The following ABR variants were observed in gnomAD, a reference collection of about 807,000 sequenced individuals.
ABR encodes ABR activator of RhoGEF and GTPase.
ABR carries 35 observed loss-of-function variants against 107.2 expected under a neutral mutation model. That is an observed-to-expected ratio of 0.33 (90% CI 0.25 to 0.43). The LOEUF (loss-of-function observed/expected upper bound fraction) is 0.43, where lower values mean the gene tolerates loss of function less well. ABR is among the 20% of genes least tolerant of loss of function. ABR has a pLI of 1.00. For missense variants in ABR, 815 were observed against 1,115.2 expected, an observed-to-expected ratio of 0.73 and a Z score of 3.83; for synonymous variants, 498 against 462.0, an observed-to-expected ratio of 1.08 and a Z score of -1.00.
chr17:1,043,050 G>A (rs1014063978), intron 16 of ABR, among the ~76,000 whole-genome samples: 15 of 152,194 alleles, frequency 9.9e-5, no homozygotes, highest in Non-Finnish European at 1.8e-4. Context: ...GCAGGAGTGG[G>A]GAGTTATGAT....
At chr17:1,199,805 A>C (rs1425027903) in intron 1 of ABR, among the ~76,000 whole-genome samples, 1 of 152,154 alleles carries the variant, frequency 6.6e-6, no homozygotes, top group African/African-American at 2.4e-5. Flanking sequence ...CATATAAGTC[A>C]TAAAGCCAGA....
chr17:1,133,923 C>T (rs146648902), intron 1 of ABR, among the ~76,000 whole-genome samples: 19 of 152,300 alleles, frequency 1.2e-4, no homozygotes, highest in African/African-American at 4.6e-4. Context: ...AGACATTTTG[C>T]CTTGAACTCA....
chr17:1,200,945 G>T lies in ABR; in HGVS notation c.838+27848C>A, dbSNP rs570020594. 2.6e-5 allele frequency among the ~76,000 whole-genome samples: 4 copies of T among 152,306 alleles called. No homozygotes were observed. In the South Asian group the frequency reaches 8.3e-4, roughly 32 times the overall value. ...GGAGAAAGCCTTGGGGTTGGCCAGG[G>T]ACACCCACCTGCCTCAGGAGGGGCT... On this transcript the variant is annotated intron_variant, in intron 1 of 22. Coordinates refer to the ABR transcript ENST00000574139. The surrounding 1 kb of genome is among the most constrained non-coding windows in gnomAD (Gnocchi z 4.1).
Position 1,125,262 on chromosome 17 carries a change from A to G in ABR, c.167T>C (p.Met56Thr). The change falls in exon 2 of 23, where the codon ATG becomes ACG. Residue 56 changes from methionine to threonine, a missense_variant. Around this residue, in one of 5 missense-constraint regions of ABR, gnomAD observed 129 missense variants for 124.8 expected, o/e 1.03. Transcript: ENST00000302538. ...TMPYIDESPTMSPQLSARSQG... is the reference protein window; with the variant it reads ...TMPYIDESPTTSPQLSARSQG... ...GCTGCGGGCGCTGAGCTGCGGGGAC[A>G]TGGTGGGCGACTCATCGATGTACGG... 1 of 1,613,234 alleles carries G rather than the reference A, an allele frequency of 6.2e-7. No homozygotes were observed. The highest frequency in any genetic ancestry group is 1.3e-5 in the African/African-American group (1 of 74,988).
chr17:1,116,644 C>G (rs1041382116), intron 2 of ABR, among the ~76,000 whole-genome samples: 2 of 152,188 alleles, frequency 1.3e-5, no homozygotes, highest in Non-Finnish European at 2.9e-5. Flanking sequence ...GGGTCACAAC[C>G]AAGGCACTAG....
intron 4 of ABR, among the ~76,000 whole-genome samples, chr17:1,090,066 G>A (rs554734869): frequency 3.3e-5 from 5 of 152,202 alleles, no homozygotes; most frequent in African/African-American, 4.8e-5. Context: ...TGCATTTGGC[G>A]ACTTGGAAAG....
chr17:1,167,131 G>A (rs1479935624), intron 1 of ABR, among the ~76,000 whole-genome samples: 4 of 151,620 alleles, frequency 2.6e-5, no homozygotes, highest in Non-Finnish European at 4.4e-5. Context: ...TTATCTTCTC[G>A]GGGTGAGGCA....
chr17:1,070,209 A>T lies in ABR; in HGVS notation c.895-119T>A. On this transcript the variant is annotated intron_variant, in intron 8 of 22. Coordinates refer to ENST00000302538, the MANE Select transcript of ABR (RefSeq NM_021962.5). The surrounding 1 kb of genome is among the most constrained non-coding windows in gnomAD (Gnocchi z 4.2). ...GGACCGAGAGGCGGCATAGCCTGTC[A>T]TCCCTTAACCAAAGGTGGTTCAAGC... The T allele has an allele frequency of 7.3e-7, 1 of 1,372,234 alleles. No individual in the cohort carries two copies. The highest frequency in any genetic ancestry group is 1.0e-6 in the Non-Finnish European group (1 of 1,003,354). The allele number at this position is 1,372,234 out of a possible 1,614,324, so 85.0% of individuals were successfully genotyped here.
chr17:1,103,340 C>T (rs937165501), intron 2 of ABR, among the ~76,000 whole-genome samples: 3 of 152,142 alleles, frequency 2.0e-5, no homozygotes, highest in Non-Finnish European at 4.4e-5. Context: ...GCTCCAGCCC[C>T]TCCAGGTCAG....
chr17:1,077,855 C>T (rs1177035870), intron 6 of ABR, among the ~76,000 whole-genome samples: 1 of 152,228 alleles, frequency 6.6e-6, no homozygotes, highest in African/African-American at 2.4e-5. Context: ...AGGCCCAGAG[C>T]AGCCGGCCTG....
Position 1,042,655 on chromosome 17 carries a change from C to T in ABR, c.1791+7395G>A, listed in dbSNP as rs145453340. Among the ~76,000 whole-genome samples the T allele has an allele frequency of 2.2e-3, 337 of 151,978 alleles. 1 individual carries two copies. Among genetic ancestry groups the T allele is most frequent in the African/African-American group, 7.5e-3 (309 of 41,442 alleles). Reference sequence around the variant, plus strand: ...ACGGACAGACAGAAGGACAAACAGACGTGGCACCTACATCCACAGATGGAT... The same window carrying T: ...ACGGACAGACAGAAGGACAAACAGATGTGGCACCTACATCCACAGATGGAT... On this transcript the variant is annotated intron_variant, in intron 16 of 22. Transcript: ENST00000302538.
At chr17:1,057,135 G>C in intron 12 of ABR, 33 bp from the exon 13 acceptor site, 2 of 1,468,604 alleles carry the variant, frequency 1.4e-6, no homozygotes, top group Non-Finnish European at 1.9e-6. Context: ...AGGGAGCGTG[G>C]GCACTGGTCC....
chr17:1,101,715 G>A (rs1373335799), intron 2 of ABR, among the ~76,000 whole-genome samples: 1 of 152,044 alleles, frequency 6.6e-6, no homozygotes, highest in Non-Finnish European at 1.5e-5. Flanking sequence ...GACTCTAGTG[G>A]GAAAGACATT....
intron 1 of ABR, among the ~76,000 whole-genome samples, chr17:1,177,639 C>T (rs1307347663): frequency 1.3e-5 from 2 of 152,148 alleles, no homozygotes; most frequent in East Asian, 3.9e-4. Context: ...TCTTCTGCTG[C>T]AGAGAAAGCT....
chr17:1,171,750 G>A (rs1407552575), intron 1 of ABR, among the ~76,000 whole-genome samples: 2 of 152,138 alleles, frequency 1.3e-5, no homozygotes, highest in Admixed American at 1.3e-4. Context: ...TGATCAACAT[G>A]GAGAAATCCC....
chr17:1,047,946 G>A lies in ABR; in HGVS notation c.1791+2104C>T, dbSNP rs73287532. On this transcript the variant is annotated intron_variant, in intron 16 of 22. Transcript: ENST00000302538. ...ACCGTGCCCACGGGGCTGGCTGCCC[G>A]GCACATCCTTGTAACTCTTCTATTC... Among the ~76,000 whole-genome samples the A allele has an allele frequency of 4.8e-3, 729 of 152,310 alleles. 8 individuals are homozygous for A. The highest frequency in any genetic ancestry group is 0.017 in the African/African-American group (689 of 41,564).
chr17:1,021,915 C>G (rs1337945084), intron 16 of ABR, among the ~76,000 whole-genome samples: 1 of 149,956 alleles, frequency 6.7e-6, no homozygotes, highest in Non-Finnish European at 1.5e-5. Context: ...TCCCAGCACT[C>G]TGGGAGGCAG....
chr17:1,143,638 G>A (rs1483117779), intron 1 of ABR, among the ~76,000 whole-genome samples: 3 of 152,106 alleles, frequency 2.0e-5, no homozygotes, highest in African/African-American at 7.2e-5. Flanking sequence ...CGGGTGTTAT[G>A]GCCTCTCTGG....
intron 12 of ABR, chr17:1,057,713 G>A: frequency 2.2e-6 from 1 of 459,156 alleles, no homozygotes; most frequent in East Asian, 4.0e-5. Flanking sequence ...GAGAGAGAGA[G>A]AGAGGTAGAG....
Sources: gnomAD v4.1 joint callset for allele counts (sites outside exome capture counted in the v4.1 genomes callset) on GRCh38, gnomAD v4.1.1 for gene constraint, gnomAD v4.1.1 regional missense constraint, Gnocchi (gnomAD v3.1) non-coding constraint, MANE v1.5 for transcripts, NCBI Gene and HGNC (gene_info 2026-07-23, HGNC 2026-07-21) for gene names.